Variants in RNF185 observed in about 807,000 individuals in gnomAD.
The protein encoded by RNF185 is ring finger protein 185.
RNF185 carries 13 observed loss-of-function variants against 24.9 expected under a neutral mutation model. The ratio of observed to expected loss-of-function variants is 0.52; its 90% CI spans 0.34 to 0.83. The LOEUF is 0.83. RNF185 is among the 40% of genes least tolerant of loss of function. The probability of loss-of-function intolerance (pLI) is 0.01; values close to 1 mark genes in which losing one functional copy is unlikely to be tolerated. For synonymous variants in RNF185, 79 were observed against 90.3 expected (o/e 0.88, Z 0.71); for missense variants, 184 against 244.7 (o/e 0.75, Z 1.65).
chr22:31,179,728 C>T (rs1196347261), intron 1 of RNF185, among the ~76,000 whole-genome samples: 1 of 152,226 alleles, frequency 6.6e-6, no homozygotes, highest in Non-Finnish European at 1.5e-5. Context: ...TGTCCCTTAA[C>T]CATTCCTACT....
intron 2 of RNF185, 39 bp from the exon 3 acceptor site, chr22:31,192,645 C>A (rs776635894): frequency 1.7e-5 from 27 of 1,603,634 alleles, no homozygotes; most frequent in Non-Finnish European, 8.5e-7. Context: ...CCCTTTTCTC[C>A]TTCTCCTTGA....
chr22:31,181,555 G>A (rs5753499), intron 1 of RNF185, among the ~76,000 whole-genome samples: 12,927 of 151,930 alleles, frequency 0.085, 831 homozygotes, highest in East Asian at 0.4. Flanking sequence ...ACATGCACAC[G>A]TATGTTTATT....
chr22:31,199,099 C>CAA (rs10710631), intron 5 of RNF185, among the ~76,000 whole-genome samples: 1 of 143,558 alleles, frequency 7.0e-6, no homozygotes, highest in Non-Finnish European at 1.6e-5. Context: ...GACTCTGTCT[C>CAA]AAAAAAAAAA....
At position 31,204,750 on chromosome 22, in the gene RNF185, A is replaced by C; in HGVS notation, c.*164A>C. On this transcript the variant is annotated 3_prime_UTR_variant, in exon 7 of 7. Coordinates refer to ENST00000326132, the MANE Select transcript of RNF185 (RefSeq NM_152267.4). ...CATCAGAGCTTTGGAACTCGAGACCAGTTGGCGATGACCCCTGAATATCGC... is the reference window on the plus strand; with the variant it reads ...CATCAGAGCTTTGGAACTCGAGACCCGTTGGCGATGACCCCTGAATATCGC... The C allele has an allele frequency of 1.7e-6, 1 of 598,226 alleles. No individual in the cohort carries two copies. The allele number at this position is 598,226 out of a possible 1,614,324, so 37.1% of individuals were successfully genotyped here.
chr22:31,162,586 G>T (rs1278588598), intron 1 of RNF185, among the ~76,000 whole-genome samples: 1 of 149,684 alleles, frequency 6.7e-6, no homozygotes, highest in Non-Finnish European at 1.5e-5. Flanking sequence ...ATAATAACTT[G>T]TTCCATTTGT....
chr22:31,168,419 G>T (rs1924067846), intron 1 of RNF185, among the ~76,000 whole-genome samples: 1 of 152,148 alleles, frequency 6.6e-6, no homozygotes, highest in South Asian at 2.1e-4. Context: ...TCCTTTTTAA[G>T]ATAAAATGAT....
chr22:31,175,211 A>G (rs2047970449), intron 1 of RNF185, among the ~76,000 whole-genome samples: 1 of 152,094 alleles, frequency 6.6e-6, no homozygotes, highest in African/African-American at 2.4e-5. Context: ...TGGGAGGCCA[A>G]GGCTGAGGCA....
intron 1 of RNF185, among the ~76,000 whole-genome samples, chr22:31,180,476 GAAAA>G (rs756113543): frequency 1.4e-5 from 2 of 148,056 alleles, no homozygotes; most frequent in Admixed American, 1.3e-4. Flanking sequence ...AAAAAAAGAA[GAAAA>G]AAAAGTAATA....
chr22:31,163,880 G>T (rs370240347), intron 1 of RNF185, among the ~76,000 whole-genome samples: 20 of 151,692 alleles, frequency 1.3e-4, no homozygotes, highest in Admixed American at 7.2e-4. Context: ...CACCATGTTG[G>T]CCAGGATGGT....
intron 6 of RNF185, among the ~76,000 whole-genome samples, chr22:31,202,607 C>CTTTTTTT (rs71202049): frequency 4.8e-5 from 4 of 83,758 alleles, no homozygotes; most frequent in Admixed American, 1.5e-4. Context: ...TTGGGAATGC[C>CTTTTTTT]TTTTTTTTTT....
At chr22:31,181,219 C>T (rs2048033050) in intron 1 of RNF185, among the ~76,000 whole-genome samples, 1 of 151,806 alleles carries the variant, frequency 6.6e-6, no homozygotes, top group East Asian at 1.9e-4. Flanking sequence ...GTGGTGTGCA[C>T]CTGTAGTCCT....
chr22:31,184,698 G>A (rs1189558675), intron 1 of RNF185, among the ~76,000 whole-genome samples: 1 of 152,196 alleles, frequency 6.6e-6, no homozygotes, highest in East Asian at 1.9e-4. Context: ...CAGACCACTG[G>A]CGGTCAGGAG....
At chr22:31,203,998 G>A (rs550484023) in intron 6 of RNF185, among the ~76,000 whole-genome samples, 13 of 147,568 alleles carry the variant, frequency 8.8e-5, no homozygotes, top group Admixed American at 4.8e-4. Context: ...CCGAGATCGT[G>A]CCATTGCACT....
chr22:31,197,344 T>C (rs2048215537), intron 5 of RNF185, among the ~76,000 whole-genome samples: 1 of 152,236 alleles, frequency 6.6e-6, no homozygotes, highest in Admixed American at 6.5e-5. Context: ...TCATTTGTTC[T>C]ACAGATACTT....
chr22:31,167,027 A>G (rs1923966079), intron 1 of RNF185, among the ~76,000 whole-genome samples: 1 of 152,238 alleles, frequency 6.6e-6, no homozygotes, highest in South Asian at 2.1e-4. Flanking sequence ...CTTACTATGT[A>G]GACGTAATGT....
In RNF185 at chr22:31,206,480, A is replaced by G. The variant is rs537994298; in HGVS notation, c.*1894A>G. ...GACCCCCCTCAGTGCAGTGGCCCCAACTAGTGGAGGGAGAGAGGACTTAAG... is the reference window on the plus strand; with the variant it reads ...GACCCCCCTCAGTGCAGTGGCCCCAGCTAGTGGAGGGAGAGAGGACTTAAG... On this transcript the variant is annotated 3_prime_UTR_variant, in exon 7 of 7. Transcript: ENST00000326132. 6 of 152,198 alleles carry G rather than the reference A, an allele frequency of 3.9e-5. No homozygotes were observed. Among genetic ancestry groups the G allele is most frequent in the Non-Finnish European group, 8.8e-5 (6 of 68,030 alleles). 9.4% of individuals were successfully genotyped at this position (152,198 alleles called of 1,614,324 possible).
At chr22:31,172,145 C>T (rs1384192536) in intron 1 of RNF185, among the ~76,000 whole-genome samples, 2 of 152,048 alleles carry the variant, frequency 1.3e-5, no homozygotes, top group African/African-American at 4.8e-5. Context: ...GAATTAATGA[C>T]ATTTTATAGA....
intron 1 of RNF185, among the ~76,000 whole-genome samples, chr22:31,165,701 G>A (rs901706144): frequency 1.3e-5 from 2 of 152,174 alleles, no homozygotes; most frequent in Non-Finnish European, 2.9e-5. Context: ...TGAAAGGAAG[G>A]GTACTATTTG....
chr22:31,162,239 T>C (rs887866974), intron 1 of RNF185, among the ~76,000 whole-genome samples: 10 of 152,218 alleles, frequency 6.6e-5, no homozygotes, highest in African/African-American at 2.4e-4. Flanking sequence ...CTGCCAGTTA[T>C]CGACTTGTGT....
Sources: allele counts gnomAD v4.1 joint callset (sites outside exome capture counted in the v4.1 genomes callset), GRCh38; gene constraint gnomAD v4.1.1; transcripts MANE v1.5; gene names NCBI Gene and HGNC (gene_info 2026-07-23, HGNC 2026-07-21).